Variants in GALNT13 observed in about 807,000 individuals in gnomAD.
The protein encoded by GALNT13 is polypeptide N-acetylgalactosaminyltransferase 13.
In GALNT13, 28 loss-of-function variants were observed where a neutral mutation model predicts 64.2. The observed-to-expected ratio is 0.44, with a 90% CI of 0.32 to 0.60. The LOEUF is 0.60. Ranked by LOEUF, GALNT13 falls within the 20% of genes least tolerant of loss-of-function variation. The pLI, the probability that GALNT13 is intolerant of heterozygous loss-of-function variation, is 0.05. For synonymous variants in GALNT13, 214 were observed against 224.6 expected (o/e 0.95, Z 0.42); for missense variants, 577 against 669.8 (o/e 0.86, Z 1.53).
intron 9 of GALNT13, among the ~76,000 whole-genome samples, chr2:154,364,640 TTGTTG>T (rs1291993927): frequency 7.4e-6 from 1 of 134,412 alleles, no homozygotes; most frequent in African/African-American, 2.8e-5. Context: ...TCCTTCACTT[TTGTTG>T]TTTTGTTTTG....
chr2:153,317,367 A>G, the GALNT13 span, among the ~76,000 whole-genome samples: 50,709 of 151,976 alleles, frequency 0.33, 8,870 homozygotes, highest in Non-Finnish European at 0.39. Context: ...AGCAGAAATG[A>G]GGAATATTTA....
At chr2:153,551,088 T>G in the GALNT13 span, among the ~76,000 whole-genome samples, 1 of 152,196 alleles carries the variant, frequency 6.6e-6, no homozygotes, top group African/African-American at 2.4e-5. Context: ...TGGGGGTCTC[T>G]GGAGAAAATA....
chr2:153,110,303 C>A, the GALNT13 span, among the ~76,000 whole-genome samples: 81 of 152,050 alleles, frequency 5.3e-4, 1 homozygote, highest in East Asian at 0.015. Context: ...AGGATTTTAT[C>A]CTAAGAGATC....
At chr2:154,206,549 C>T (rs1313730481) in intron 4 of GALNT13, among the ~76,000 whole-genome samples, 1 of 151,814 alleles carries the variant, frequency 6.6e-6, no homozygotes, top group Non-Finnish European at 1.5e-5. Flanking sequence ...AAACCTAGCA[C>T]TTTGGGAGGC....
At chr2:153,241,360 G>C in the GALNT13 span, among the ~76,000 whole-genome samples, 95 of 152,204 alleles carry the variant, frequency 6.2e-4, no homozygotes, top group Non-Finnish European at 2.1e-4. Context: ...AAGGTGACTA[G>C]TGTCTGTTTT....
In GALNT13 at chr2:154,396,090, C is replaced by T. The variant is rs767365905; in HGVS notation, c.1256C>T (p.Pro419Leu). The change falls in exon 10 of 13, where the codon CCG (proline) becomes CTG (leucine). Residue 419 changes from proline to leucine, a missense_variant. By Grantham distance (98) the Pro-to-Leu change is moderately conservative. Transcript: ENST00000392825. ...PFSWYLENIY[P>L]DSQIPRRYYS... The stretch of plus-strand genomic sequence containing the variant: ...TCTTGGTACCTAGAAAACATCTATC[C>T]GGACTCCCAGATCCCAAGACGTTAT... 112 of 1,608,426 alleles carry T rather than the reference C, an allele frequency of 7.0e-5. 1 individual carries two copies. The Admixed American group carries it at 1.6e-3, about 23-fold the overall frequency.
intron 3 of GALNT13, among the ~76,000 whole-genome samples, chr2:154,057,330 T>G (rs965813599): frequency 2.6e-5 from 4 of 152,168 alleles, no homozygotes; most frequent in African/African-American, 9.7e-5. Context: ...CGCCCGGCCC[T>G]AAACCTTTTA....
the GALNT13 span, among the ~76,000 whole-genome samples, chr2:153,109,656 A>G: frequency 6.6e-6 from 1 of 152,162 alleles, no homozygotes; most frequent in Non-Finnish European, 1.5e-5. Context: ...TAGGAAGGTC[A>G]TTGGCCCTTA....
intron 2 of GALNT13, among the ~76,000 whole-genome samples, chr2:153,918,510 C>A (rs1468890211): frequency 6.6e-6 from 1 of 152,118 alleles, no homozygotes; most frequent in Non-Finnish European, 1.5e-5. Flanking sequence ...TCCTTCTTAA[C>A]AGATCATGTG....
At chr2:153,914,312 C>T (rs1182972091) in intron 2 of GALNT13, among the ~76,000 whole-genome samples, 4 of 151,934 alleles carry the variant, frequency 2.6e-5, no homozygotes, top group Middle Eastern at 3.4e-3. Flanking sequence ...AGTGAAACCC[C>T]GTCTCTACTA....
At chr2:154,395,393 CATTT>C (rs1394381710) in intron 9 of GALNT13, among the ~76,000 whole-genome samples, 2 of 151,832 alleles carry the variant, frequency 1.3e-5, no homozygotes, top group African/African-American at 4.8e-5. Context: ...TATTTCTGTT[CATTT>C]GTTTGTTAGT....
At chr2:153,743,060 G>A in the GALNT13 span, among the ~76,000 whole-genome samples, 3 of 96,096 alleles carry the variant, frequency 3.1e-5, no homozygotes, top group African/African-American at 7.9e-5. Context: ...GGAGGGGAAA[G>A]GAGAGGGAGG....
chr2:153,630,813 T>TATTTTA, the GALNT13 span, among the ~76,000 whole-genome samples: 6 of 50,658 alleles, frequency 1.2e-4, no homozygotes, highest in Non-Finnish European at 2.1e-4. Context: ...ATATATTTTT[T>TATTTTA]TTTTTTTTTT....
the GALNT13 span, among the ~76,000 whole-genome samples, chr2:153,301,585 G>GATATGTACAT: frequency 6.6e-6 from 1 of 151,820 alleles, no homozygotes; most frequent in Non-Finnish European, 1.5e-5. Context: ...TTAAGAATAC[G>GATATGTACAT]ATATGTACAT....
At chr2:153,853,570 C>T in the GALNT13 span, among the ~76,000 whole-genome samples, 1 of 151,942 alleles carries the variant, frequency 6.6e-6, no homozygotes, top group African/African-American at 2.4e-5. Context: ...AAGAAATGAA[C>T]ATGCATAGAA....
the GALNT13 span, among the ~76,000 whole-genome samples, chr2:153,427,668 G>A: frequency 6.6e-6 from 1 of 152,054 alleles, no homozygotes; most frequent in African/African-American, 2.4e-5. Flanking sequence ...TTGACATATT[G>A]TTTGCATCAT....
chr2:153,825,967 C>T, the GALNT13 span, among the ~76,000 whole-genome samples: 1 of 152,258 alleles, frequency 6.6e-6, no homozygotes, highest in East Asian at 1.9e-4. Flanking sequence ...TCTGCATCAG[C>T]AGCTTTCTCC....
At chr2:153,168,684 C>T in the GALNT13 span, among the ~76,000 whole-genome samples, 1 of 152,124 alleles carries the variant, frequency 6.6e-6, no homozygotes, top group African/African-American at 2.4e-5. Context: ...TCAGTTTCTT[C>T]ATCTATAAAA....
chr2:153,156,681 T>C, the GALNT13 span, among the ~76,000 whole-genome samples: 2 of 152,316 alleles, frequency 1.3e-5, no homozygotes, highest in East Asian at 3.9e-4. Context: ...AATTCCCTGC[T>C]CAAACATTTA....
Sources: gnomAD v4.1 joint callset for allele counts (sites outside exome capture counted in the v4.1 genomes callset) on GRCh38, gnomAD v4.1.1 for gene constraint, MANE v1.5 for transcripts, NCBI Gene and HGNC (gene_info 2026-07-23, HGNC 2026-07-21) for gene names.